The following AHNAK2 variants were observed in gnomAD, a reference collection of about 807,000 sequenced individuals.
The protein encoded by AHNAK2 is AHNAK nucleoprotein 2, also known as protein AHNAK2.
Under a neutral mutation model 30.7 loss-of-function variants are expected in AHNAK2, and 18 were observed. The observed-to-expected ratio is 0.59, with a 90% CI of 0.41 to 0.87. AHNAK2 has a LOEUF of 0.87. Ranked by LOEUF, AHNAK2 falls within the 40% of genes least tolerant of loss-of-function variation. The pLI is 0.00. For synonymous variants in AHNAK2, 3,590 were observed against 3,073.8 expected (o/e 1.17, Z -5.56); for missense variants, 8,604 against 7,373.0 (o/e 1.17, Z -6.11).
rs371400548 is a variant in AHNAK2, at chr14:104,950,000, A to T, written c.5451T>A (p.Thr1817=). The change falls in exon 7 of 7, where the codon ACT becomes ACA. Residue 1817 remains threonine (T), a synonymous_variant. Coordinates refer to ENST00000333244, the MANE Select transcript of AHNAK2 (RefSeq NM_138420.4). ...GDLSLADKDV[T]AKDSKFKMPK... ...GCATTTTGAACTTGCTGTCTTTGGC[A>T]GTCACATCCTTGTCGGCCAGGGACA... 237 of 1,587,372 alleles carry T rather than the reference A, an allele frequency of 1.5e-4. 15 individuals are homozygous for T. In the African/African-American group the frequency reaches 1.5e-3, roughly 10 times the overall value.
chr14:104,954,639 C>G lies in AHNAK2; in HGVS notation c.812G>C (p.Arg271Pro). The part of the protein sequence containing the change: ...WPKFQSIKSK[R>P]GPGPQRSHSS... Reference sequence around the variant, plus strand: ...GTGTGACCTCTGGGGTCCCGGCCCCCGCTTGCTCTTTATGGATTGAAATTT... The same window carrying G: ...GTGTGACCTCTGGGGTCCCGGCCCCGGCTTGCTCTTTATGGATTGAAATTT... Residue 271 changes from arginine (R) to proline (P), a missense_variant, in exon 7 of 7, where the codon CGG (arginine) becomes CCG (proline). Coordinates refer to ENST00000333244, the MANE Select transcript of AHNAK2 (RefSeq NM_138420.4). The surrounding 1 kb of genome is among the most constrained non-coding windows in gnomAD (Gnocchi z 4.3). 6.2e-7 allele frequency: 1 copy of G among 1,612,820 alleles called. No individual in the cohort carries two copies. The highest frequency in any genetic ancestry group is 1.3e-5 in the African/African-American group (1 of 75,032).
Position 104,949,831 on chromosome 14 carries a change from GA to G in AHNAK2, c.5619del (p.Pro1874ArgfsTer16). 1 of 1,587,280 alleles carries G rather than the reference GA, an allele frequency of 6.3e-7. No individual in the cohort carries two copies. The highest frequency in any genetic ancestry group is 8.6e-7 in the Non-Finnish European group (1 of 1,163,066). ...QGDLKTTDLC[I>X]PLPSADLVVQ... Reference sequence around the variant, plus strand: ...ACCACCAGGTCTGCAGAAGGGAGCGGAATGCAGAGGTCCGTGGTCTTGAGGT... The same window carrying G: ...ACCACCAGGTCTGCAGAAGGGAGCGGATGCAGAGGTCCGTGGTCTTGAGGT... On this transcript the variant is annotated frameshift_variant, in exon 7 of 7. Coordinates refer to ENST00000333244, the MANE Select transcript of AHNAK2 (RefSeq NM_138420.4). LOFTEE classifies it low-confidence loss of function (END_TRUNC).
chr14:104,977,531 G>C (rs1177353946), intron 1 of AHNAK2, among the ~76,000 whole-genome samples: 1 of 152,054 alleles, frequency 6.6e-6, no homozygotes, highest in Non-Finnish European at 1.5e-5. Flanking sequence ...CCCCATTCAG[G>C]CCCCTCACCA....
Position 104,942,636 on chromosome 14 carries a change from C to A in AHNAK2, c.12815G>T (p.Gly4272Val). The change falls in exon 7 of 7, where the codon GGA becomes GTA. Residue 4272 changes from glycine (G) to valine (V), a missense_variant. Physicochemically the swap from Gly to Val is moderately radical, Grantham distance 109 (BLOSUM62 -3). Coordinates refer to ENST00000333244, the MANE Select transcript of AHNAK2 (RefSeq NM_138420.4). ...PSMEVDVEAP[G>V]AKLDSVRLEG... is the part of the protein sequence containing the mutation. ...CAGCCGCACACTGTCCAGCTTGGCT[C>A]CCGGGGCCTCGACGTCCACCTCCAT... is the stretch of plus-strand genomic sequence containing the variant. The A allele has an allele frequency of 6.2e-7, 1 of 1,613,390 alleles. No individual in the cohort carries two copies. The highest frequency in any genetic ancestry group is 8.5e-7 in the Non-Finnish European group (1 of 1,179,666).
In AHNAK2 at chr14:104,946,033, C is replaced by G. The variant is rs1898248661; in HGVS notation, c.9418G>C (p.Asp3140His). Residue 3140 changes from aspartate to histidine, a missense_variant, in exon 7 of 7, where the codon GAC becomes CAC. Physicochemically the swap from Asp to His is moderately conservative, Grantham distance 81 (BLOSUM62 -1). Coordinates refer to ENST00000333244, the MANE Select transcript of AHNAK2 (RefSeq NM_138420.4). ...AACTTGGGCATTTTGAACTTGCTGT[C>G]TTTGGCAGTCACATCCTTGTCGGCC... Reference protein sequence around the residue: ...SLADKDVTAKDSKFKMPKFKM... With the variant: ...SLADKDVTAKHSKFKMPKFKM... 11 of 1,597,858 alleles carry G rather than the reference C, an allele frequency of 6.9e-6. No individual in the cohort carries two copies. The East Asian group carries it at 2.5e-4, about 36-fold the overall frequency.
Position 104,975,568 on chromosome 14 carries a change from AGG to A in AHNAK2, c.55+2613_55+2614del, listed in dbSNP as rs534584489. ...CTGCGGTCACCCTGCCTGGTGGGGC[AGG>A]GCAGAGCCAGCACCTGTCAGAACAG... On this transcript the variant is annotated intron_variant, in intron 1 of 6. Coordinates refer to ENST00000333244, the MANE Select transcript of AHNAK2 (RefSeq NM_138420.4). Among the ~76,000 whole-genome samples the A allele has an allele frequency of 1.2e-3, 177 of 152,348 alleles. 1 individual carries two copies. The highest frequency in any genetic ancestry group is 4.2e-3 in the African/African-American group (174 of 41,580).
rs575554034 is a variant in AHNAK2, at chr14:104,947,879, C to T, written c.7572G>A (p.Gly2524=). Reference sequence around the variant, plus strand: ...TGCTGAGGTCAGTGGCCTTGAGGTCCCCCTGCATGGAGGAGAGGCTCCCGT... The same window carrying T: ...TGCTGAGGTCAGTGGCCTTGAGGTCTCCCTGCATGGAGGAGAGGCTCCCGT... ...EADGSLSSMQ[G]DLKATDLSIQ... is the part of the protein sequence containing the mutation. Residue 2524 remains glycine, a synonymous_variant, in exon 7 of 7, where the codon GGG becomes GGA. Transcript: ENST00000333244. The T allele has an allele frequency of 6.2e-7, 1 of 1,612,728 alleles. No individual in the cohort carries two copies. The highest frequency in any genetic ancestry group is 1.1e-5 in the South Asian group (1 of 91,024).
At chr14:104,975,199 G>A (rs1371565070) in intron 1 of AHNAK2, among the ~76,000 whole-genome samples, 5 of 152,354 alleles carry the variant, frequency 3.3e-5, no homozygotes, top group Non-Finnish European at 2.9e-5. Context: ...GGAGAAGGCC[G>A]GGAGGGAGCG....
chr14:104,967,014 G>A (rs1035747208), intron 1 of AHNAK2, among the ~76,000 whole-genome samples: 2 of 152,198 alleles, frequency 1.3e-5, no homozygotes, highest in Non-Finnish European at 2.9e-5. Context: ...TAGCAGGGCT[G>A]GGGGCAGAGG....
chr14:104,966,769 G>A lies in AHNAK2; in HGVS notation c.56-9097C>T, dbSNP rs1035797408. On this transcript the variant is annotated intron_variant, in intron 1 of 6. Coordinates refer to ENST00000333244, the MANE Select transcript of AHNAK2 (RefSeq NM_138420.4). This position sits in a 1 kb window ranked among gnomAD's most constrained non-coding sequence, Gnocchi z 4.3. ...GCCACACCAGACCCACAACAAATTC[G>A]TGGGACGGGGTGGTGCCAAGGAAAG... Among the ~76,000 whole-genome samples the A allele has an allele frequency of 5.9e-5, 9 of 152,292 alleles. No individual in the cohort carries two copies. The highest frequency in any genetic ancestry group is 3.4e-3 in the Middle Eastern group (1 of 294).
At position 104,953,492 on chromosome 14, in the gene AHNAK2, A is replaced by T. The variant is rs1188020367; in HGVS notation, c.1959T>A (p.Asp653Glu). ...TNTTKIQLIH[D>E]EKRLKKEQIL... is the part of the protein sequence containing the mutation. ...TTTGTTCCTTTTTTAAGCGTTTTTC[A>T]TCGTGTATTAGTTGTATTTTTGTTG... The change falls in exon 7 of 7, where the codon GAT becomes GAA. Residue 653 changes from aspartate to glutamate, a missense_variant. By Grantham distance (45) the Asp-to-Glu change is conservative. Coordinates refer to ENST00000333244, the MANE Select transcript of AHNAK2 (RefSeq NM_138420.4). 6.2e-7 allele frequency: 1 copy of T among 1,613,624 alleles called. No homozygotes were observed.
chr14:104,941,705 C>G lies in AHNAK2; in HGVS notation c.13746G>C (p.Val4582=). The G allele has an allele frequency of 6.2e-7, 1 of 1,613,784 alleles. No homozygotes were observed. The highest frequency in any genetic ancestry group is 8.5e-7 in the Non-Finnish European group (1 of 1,179,888). The part of the protein sequence containing the change: ...KLDLKGPKAE[V]MAPDVEVSLP... ...GAGACACCTCCACATCGGGGGCCATCACCTCTGCCTTTGGGCCTTTCAGGT... is the reference window on the plus strand; with the variant it reads ...GAGACACCTCCACATCGGGGGCCATGACCTCTGCCTTTGGGCCTTTCAGGT... The change falls in exon 7 of 7, where the codon GTG becomes GTC. Residue 4582 remains valine, a synonymous_variant. Transcript: ENST00000333244.
intron 1 of AHNAK2, among the ~76,000 whole-genome samples, chr14:104,962,706 C>T (rs567675600): frequency 3.9e-5 from 6 of 152,174 alleles, no homozygotes; most frequent in Middle Eastern, 3.4e-3. Context: ...AAAGTACAGG[C>T]GTGAGCCACC....
At chr14:104,958,848 C>T (rs550524524) in intron 1 of AHNAK2, among the ~76,000 whole-genome samples, 8 of 152,248 alleles carry the variant, frequency 5.3e-5, no homozygotes, top group African/African-American at 1.7e-4. Context: ...GAGATCCACA[C>T]CTAGAAACGT....
intron 1 of AHNAK2, among the ~76,000 whole-genome samples, 197 bp from the exon 2 acceptor site, chr14:104,957,869 A>G (rs1388837729): frequency 6.6e-6 from 1 of 152,194 alleles, no homozygotes; most frequent in African/African-American, 2.4e-5. Flanking sequence ...CACGTCAGGT[A>G]GCAGTGAATT....
Position 104,945,488 on chromosome 14 carries a change from A to C in AHNAK2, c.9963T>G (p.Ser3321=), listed in dbSNP as rs778074544. The change falls in exon 7 of 7, where the codon TCT becomes TCG. Residue 3321 remains serine (S), a synonymous_variant. Transcript: ENST00000333244. ...PKFKMPSYRA[S]APGKSIQASV... ...AGGCCTGGATGGACTTGCCTGGGGC[A>C]GACGCCCTGTACGACGGCATCTTGA... The C allele has an allele frequency of 6.2e-7, 1 of 1,613,054 alleles. No homozygotes were observed. The highest frequency in any genetic ancestry group is 8.5e-7 in the Non-Finnish European group (1 of 1,179,694).
rs201340294 is a variant in AHNAK2, at chr14:104,950,410, C to T, written c.5041G>A (p.Val1681Met). Residue 1681 changes from valine (V) to methionine (M), a missense_variant, in exon 7 of 7, where the codon GTG (valine) becomes ATG (methionine). Transcript: ENST00000333244. ...SAPGKSIEASVDVSEPKVEAD... is the reference protein window; with the variant it reads ...SAPGKSIEASMDVSEPKVEAD... ...TCCACCTTCGGCTCAGACACATCCA[C>T]CGAGGCCTCGATGGACTTGCCTGGG... 1 of 1,587,176 alleles carries T rather than the reference C, an allele frequency of 6.3e-7. No individual in the cohort carries two copies. The highest frequency in any genetic ancestry group is 1.1e-5 in the South Asian group (1 of 89,772).
chr14:104,943,043 G>A lies in AHNAK2; in HGVS notation c.12408C>T (p.Pro4136=). The change falls in exon 7 of 7, where the codon CCC becomes CCT. Residue 4136 remains proline (P), a synonymous_variant. Transcript: ENST00000333244. The part of the protein sequence containing the change: ...VTAKDSKFKM[P]KFKMPSFGVS... ...CCCCGAATGATGGCATCTTGAACTT[G>A]GGCATTTTGAACTTGCTGTCTTTGG... 1 of 1,613,010 alleles carries A rather than the reference G, an allele frequency of 6.2e-7. No homozygotes were observed. The highest frequency in any genetic ancestry group is 1.1e-5 in the South Asian group (1 of 91,034).
Position 104,953,495 on chromosome 14 carries a change from G to T in AHNAK2, c.1956C>A (p.His652Gln). Residue 652 changes from histidine to glutamine, a missense_variant, in exon 7 of 7, where the codon CAC becomes CAA. Transcript: ENST00000333244. ...GTTCCTTTTTTAAGCGTTTTTCATC[G>T]TGTATTAGTTGTATTTTTGTTGTGT... Reference protein sequence around the residue: ...MTNTTKIQLIHDEKRLKKEQI... With the variant: ...MTNTTKIQLIQDEKRLKKEQI... The T allele has an allele frequency of 6.2e-7, 1 of 1,613,884 alleles. No homozygotes were observed. Among genetic ancestry groups the T allele is most frequent in the Non-Finnish European group, 8.5e-7 (1 of 1,179,866 alleles).
Sources: gnomAD v4.1 joint callset for allele counts (sites outside exome capture counted in the v4.1 genomes callset) on GRCh38, gnomAD v4.1.1 for gene constraint, Gnocchi (gnomAD v3.1) non-coding constraint, MANE v1.5 for transcripts, NCBI Gene and HGNC (gene_info 2026-07-23, HGNC 2026-07-21) for gene names.